CCNY: variants seen among roughly 807,000 people sequenced by gnomAD.
The protein encoded by CCNY is cyclin-Y.
In CCNY, 19 loss-of-function variants were observed where a neutral mutation model predicts 42.8. The ratio of observed to expected loss-of-function variants is 0.44; its 90% CI spans 0.31 to 0.65. CCNY has a LOEUF of 0.65. Among genes scored for constraint, CCNY ranks in the 30% least tolerant of loss-of-function variants. The pLI is 0.07. For missense variants in CCNY, 370 were observed against 437.3 expected, an observed-to-expected ratio of 0.85 and a Z score of 1.37; for synonymous variants, 165 against 162.7, an observed-to-expected ratio of 1.01 and a Z score of -0.11.
intron 8 of CCNY, among the ~76,000 whole-genome samples, chr10:35,558,769 C>T (rs1476267487): frequency 1.3e-5 from 2 of 152,078 alleles, no homozygotes; most frequent in East Asian, 3.9e-4. Context: ...AGAAACCAAC[C>T]CCACTAACAC....
chr10:35,413,223 A>G (rs1837951849), intron 1 of CCNY, among the ~76,000 whole-genome samples: 1 of 152,128 alleles, frequency 6.6e-6, no homozygotes, highest in Non-Finnish European at 1.5e-5. Context: ...GTCTGAAGGA[A>G]GGTAGGAAAA....
chr10:35,294,861 T>A (rs1400185650), intron 3 of CCNY, among the ~76,000 whole-genome samples: 2 of 152,240 alleles, frequency 1.3e-5, no homozygotes, highest in African/African-American at 4.8e-5. Context: ...CAAGTGAAGT[T>A]ACCTGGGCCT....
chr10:35,534,306 G>A (rs562175421), intron 7 of CCNY, among the ~76,000 whole-genome samples: 6 of 152,290 alleles, frequency 3.9e-5, no homozygotes, highest in African/African-American at 9.6e-5. Flanking sequence ...ACAGGCGTGC[G>A]CCACCACACC....
intron 1 of CCNY, among the ~76,000 whole-genome samples, chr10:35,476,054 G>C (rs1564425947): frequency 6.6e-6 from 1 of 152,182 alleles, no homozygotes; most frequent in Admixed American, 6.5e-5. Context: ...TTACATAATG[G>C]TAAAGGGATC....
chr10:35,464,708 C>T (rs1839222836), intron 1 of CCNY, among the ~76,000 whole-genome samples: 1 of 152,174 alleles, frequency 6.6e-6, no homozygotes, highest in Non-Finnish European at 1.5e-5. Context: ...TTGTCTGCCT[C>T]ATGCCCCACC....
intron 3 of CCNY, among the ~76,000 whole-genome samples, chr10:35,259,406 A>C (rs569310455): frequency 8.8e-5 from 13 of 148,028 alleles, no homozygotes; most frequent in Admixed American, 4.8e-4. Flanking sequence ...GGATCTCACT[A>C]TGTTGCCCAA....
At position 35,483,644 on chromosome 10, in the gene CCNY, G is replaced by C. The variant is rs137976663; in HGVS notation, c.229+166G>C. On this transcript the variant is annotated intron_variant, in intron 2 of 9. Coordinates refer to ENST00000374704, the MANE Select transcript of CCNY (RefSeq NM_145012.6). ...TCTCTTGGGATTTTTTTCTTTTGCA[G>C]TGTTATGTTTTTAGAATTTCCTATT... 5.9e-4 allele frequency among the ~76,000 whole-genome samples: 90 copies of C among 152,206 alleles called. 1 individual carries two copies. The East Asian group carries it at 0.013, about 22-fold the overall frequency.
At chr10:35,495,091 T>C (rs1009807403) in intron 2 of CCNY, among the ~76,000 whole-genome samples, 1 of 152,208 alleles carries the variant, frequency 6.6e-6, no homozygotes, top group Non-Finnish European at 1.5e-5. Flanking sequence ...ATAAAAAATA[T>C]CCTAAATCCA....
At chr10:35,268,130 A>G (rs2095727494) in intron 3 of CCNY, among the ~76,000 whole-genome samples, 1 of 152,058 alleles carries the variant, frequency 6.6e-6, no homozygotes, top group Non-Finnish European at 1.5e-5. Context: ...CCTGGCCTCA[A>G]GTGATCTGCC....
intron 2 of CCNY, among the ~76,000 whole-genome samples, chr10:35,491,440 C>A (rs1839892421): frequency 6.6e-6 from 1 of 152,038 alleles, no homozygotes; most frequent in South Asian, 2.1e-4. Flanking sequence ...TTCCAGGACC[C>A]CTGGCAAGAG....
At chr10:35,281,066 G>T (rs1461625649) in intron 3 of CCNY, among the ~76,000 whole-genome samples, 1 of 152,116 alleles carries the variant, frequency 6.6e-6, no homozygotes, top group Non-Finnish European at 1.5e-5. Flanking sequence ...ACACCCACTG[G>T]CATGGCTATA....
At chr10:35,543,142 G>A (rs987452150) in intron 7 of CCNY, among the ~76,000 whole-genome samples, 2 of 152,104 alleles carry the variant, frequency 1.3e-5, no homozygotes, top group African/African-American at 2.4e-5. Context: ...CCCACTAATC[G>A]GGTGCAGCCT....
Position 35,516,339 on chromosome 10 carries a change from G to A in CCNY, c.265-184G>A, listed in dbSNP as rs1840425267. Among the ~76,000 whole-genome samples the A allele has an allele frequency of 2.6e-5, 4 of 152,094 alleles. No homozygotes were observed. The South Asian group carries it at 6.2e-4, about 24-fold the overall frequency. On this transcript the variant is annotated intron_variant, in intron 3 of 9. Coordinates refer to ENST00000374704, the MANE Select transcript of CCNY (RefSeq NM_145012.6). ...GTGGTCCTGGTGACTTTTATATATGGAAGAGCAAGGAAGTTCATTTTATGA... is the reference window on the plus strand; with the variant it reads ...GTGGTCCTGGTGACTTTTATATATGAAAGAGCAAGGAAGTTCATTTTATGA...
At chr10:35,260,133 C>CT (rs1033280519) in intron 3 of CCNY, among the ~76,000 whole-genome samples, 2 of 152,160 alleles carry the variant, frequency 1.3e-5, no homozygotes, top group African/African-American at 4.8e-5. Context: ...TCTCTTTTCT[C>CT]TCTTTTCTCC....
intron 3 of CCNY, among the ~76,000 whole-genome samples, chr10:35,322,509 A>C (rs1835833080): frequency 6.6e-6 from 1 of 152,222 alleles, no homozygotes; most frequent in Admixed American, 6.5e-5. Flanking sequence ...GCAAAAAATT[A>C]GACTTTTACA....
intron 1 of CCNY, among the ~76,000 whole-genome samples, chr10:35,369,295 G>A (rs1047045895): frequency 2.0e-5 from 3 of 152,314 alleles, no homozygotes; most frequent in East Asian, 1.9e-4. Context: ...ACCTTGGACC[G>A]TATTTCCTCC....
chr10:35,421,563 T>C (rs1479446047), intron 1 of CCNY, among the ~76,000 whole-genome samples: 1 of 152,212 alleles, frequency 6.6e-6, no homozygotes, highest in African/African-American at 2.4e-5. Context: ...TCATTTGGTA[T>C]TTAGAAGCGT....
intron 1 of CCNY, among the ~76,000 whole-genome samples, chr10:35,401,693 G>C (rs1837648687): frequency 6.6e-6 from 1 of 152,086 alleles, no homozygotes; most frequent in South Asian, 2.1e-4. Flanking sequence ...GGCGGGCTGA[G>C]TCAGCAAAGT....
At chr10:35,342,404 A>G (rs766270225) in intron 1 of CCNY, among the ~76,000 whole-genome samples, 7 of 152,246 alleles carry the variant, frequency 4.6e-5, no homozygotes, top group African/African-American at 7.2e-5. Flanking sequence ...CCGACCAAGC[A>G]TGTGACTTCA....
Sources: allele counts gnomAD v4.1 joint callset (sites outside exome capture counted in the v4.1 genomes callset), GRCh38; gene constraint gnomAD v4.1.1; transcripts MANE v1.5; gene names NCBI Gene and HGNC (gene_info 2026-07-23, HGNC 2026-07-21).